The following PDZD2 variants were observed in gnomAD, a reference collection of about 807,000 sequenced individuals.
PDZD2 encodes the protein PDZ domain-containing protein 2.
A neutral mutation model predicts 220.7 loss-of-function variants in PDZD2; 90 were observed. The ratio of observed to expected loss-of-function variants is 0.41; its 90% CI spans 0.34 to 0.49. The LOEUF is 0.49. Ranked by LOEUF, PDZD2 falls within the 20% of genes least tolerant of loss-of-function variation. The pLI is 0.28. For synonymous variants in PDZD2, 1,375 were observed against 1,450.5 expected, an observed-to-expected ratio of 0.95 and a Z score of 1.18; for missense variants, 3,174 against 3,608.5, an observed-to-expected ratio of 0.88 and a Z score of 3.08.
chr5:31,823,879 A>G (rs1159946973), intron 2 of PDZD2, among the ~76,000 whole-genome samples: 2 of 152,224 alleles, frequency 1.3e-5, no homozygotes, highest in Non-Finnish European at 2.9e-5. Flanking sequence ...TCTGGATTGG[A>G]CGCAATAGTA....
intron 2 of PDZD2, chr5:31,923,526 TG>T: frequency 2.2e-6 from 2 of 900,696 alleles, no homozygotes; most frequent in Non-Finnish European, 3.7e-6. Flanking sequence ...GAGCCTACTT[TG>T]GGGATAAAGG....
chr5:31,745,588 A>G (rs1279795160), intron 1 of PDZD2, among the ~76,000 whole-genome samples: 1 of 152,080 alleles, frequency 6.6e-6, no homozygotes, highest in African/African-American at 2.4e-5. Flanking sequence ...ACCTTTCAAT[A>G]CCAACATGCT....
intron 19 of PDZD2, among the ~76,000 whole-genome samples, chr5:32,081,217 C>G (rs1741922804): frequency 6.6e-6 from 1 of 152,120 alleles, no homozygotes; most frequent in South Asian, 2.1e-4. Flanking sequence ...TGTGACTGTA[C>G]TGACCCCGGT....
At chr5:31,640,081 C>G (rs1744890854) in intron 1 of PDZD2, among the ~76,000 whole-genome samples, 1 of 152,098 alleles carries the variant, frequency 6.6e-6, no homozygotes, top group African/African-American at 2.4e-5. Flanking sequence ...CTCCCTCCCT[C>G]TGTTCCTCTC....
chr5:31,840,378 A>C (rs1757192360), intron 2 of PDZD2: 1 of 142,062 alleles, frequency 7.0e-6, no homozygotes, highest in East Asian at 1.9e-4. Flanking sequence ...ACACTCATTC[A>C]AAGAGTAGTC....
Position 32,057,907 on chromosome 5 carries a change from G to A in PDZD2, c.2004G>A (p.Thr668=), listed in dbSNP as rs749030848. The A allele has an allele frequency of 1.5e-5, 24 of 1,612,816 alleles. No homozygotes were observed. The highest frequency in any genetic ancestry group is 4.4e-5 in the South Asian group (4 of 91,008). ...KQIRSGLFVL[T]VRTKLVSPSL... ...TCCGGAGTGGATTATTTGTTTTAACGGTACGCACAAAGTTGGTGAGCCCCA... is the reference window on the plus strand; with the variant it reads ...TCCGGAGTGGATTATTTGTTTTAACAGTACGCACAAAGTTGGTGAGCCCCA... Residue 668 remains threonine, a synonymous_variant, in exon 12 of 25, where the codon ACG becomes ACA. Transcript: ENST00000438447.
intron 2 of PDZD2, chr5:31,936,314 A>T (rs1745720862): frequency 2.0e-6 from 2 of 987,520 alleles, no homozygotes; most frequent in African/African-American, 1.7e-5. Flanking sequence ...GAAGCACAGC[A>T]GAGCACGCTC....
chr5:31,936,721 T>C (rs753082443), intron 2 of PDZD2, among the ~76,000 whole-genome samples: 8 of 152,242 alleles, frequency 5.3e-5, no homozygotes, highest in Non-Finnish European at 1.0e-4. Flanking sequence ...GGCTTGACTG[T>C]GGCTCCATTT....
Position 31,764,949 on chromosome 5 carries a change from T to C in PDZD2, c.-360-33940T>C, listed in dbSNP as rs200472115. Among the ~76,000 whole-genome samples, 6 of 152,256 alleles carry C rather than the reference T, an allele frequency of 3.9e-5. No homozygotes were observed. The East Asian group carries it at 9.6e-4, about 24-fold the overall frequency. On this transcript the variant is annotated intron_variant, in intron 1 of 24. Transcript: ENST00000438447. ...AAAACTCTCTGGGCGTGGTGGTACA[T>C]GCTTGTAATCCCAGCTACTCGGGAG...
At chr5:31,919,719 G>GCA (rs778131519) in intron 2 of PDZD2, among the ~76,000 whole-genome samples, 1 of 33,208 alleles carries the variant, frequency 3.0e-5, no homozygotes, top group African/African-American at 8.2e-5. Flanking sequence ...AAAAAAAAAG[G>GCA]AAAAAAAAAA....
chr5:32,110,441 A>G lies in PDZD2; in HGVS notation c.*2306A>G, dbSNP rs767255665. Reference sequence around the variant, plus strand: ...AACTGTCTTTGACCCTAAGATAGATAGAAAGCTATTTATTTGTCTTCAGTG... The same window carrying G: ...AACTGTCTTTGACCCTAAGATAGATGGAAAGCTATTTATTTGTCTTCAGTG... On this transcript the variant is annotated 3_prime_UTR_variant, in exon 25 of 25. Coordinates refer to ENST00000438447, the MANE Select transcript of PDZD2 (RefSeq NM_178140.4). 1 of 152,698 alleles carries G rather than the reference A, an allele frequency of 6.5e-6. No individual in the cohort carries two copies. The highest frequency in any genetic ancestry group is 1.5e-5 in the Non-Finnish European group (1 of 68,056). 9.5% of individuals were successfully genotyped at this position (152,698 alleles called of 1,614,324 possible).
intron 4 of PDZD2, 74 bp downstream of exon 4, chr5:31,995,792 G>T (rs571384118): frequency 1.5e-6 from 2 of 1,359,356 alleles, no homozygotes; most frequent in Non-Finnish European, 2.1e-6. Flanking sequence ...ACTGGTGCAG[G>T]TGCTCTTCCA....
chr5:31,799,444 A>G lies in PDZD2; in HGVS notation c.196A>G (p.Met66Val). The G allele has an allele frequency of 6.2e-7, 1 of 1,614,158 alleles. No homozygotes were observed. The highest frequency in any genetic ancestry group is 1.3e-5 in the African/African-American group (1 of 75,036). The change falls in exon 2 of 25, where the codon ATG becomes GTG. Residue 66 changes from methionine (M) to valine (V), a missense_variant. By Grantham distance (21) the Met-to-Val change is conservative (BLOSUM62 1). Transcript: ENST00000438447. ...TVPPDHSPPE[M>V]EICTVYLTKE... ...CCCACCTGATCACAGCCCCCCCGAA[A>G]TGGAGATCTGTACTGTGTACCTCAC...
intron 14 of PDZD2, among the ~76,000 whole-genome samples, chr5:32,065,788 GC>G (rs1377649894): frequency 6.6e-6 from 1 of 152,174 alleles, no homozygotes; most frequent in East Asian, 1.9e-4. Flanking sequence ...ACTTTGGGAG[GC>G]CAAGGCGGGT....
chr5:32,069,583 A>G lies in PDZD2; in HGVS notation c.2466A>G (p.Glu822=). The change falls in exon 15 of 25, where the codon GAA becomes GAG. Residue 822 remains glutamate, a synonymous_variant. Coordinates refer to ENST00000438447, the MANE Select transcript of PDZD2 (RefSeq NM_178140.4). ...CTGAAAATCAGGTTTCCGAGCAGGAAATGGATGAAGTCATAGCACGCAGCA... is the reference window on the plus strand; with the variant it reads ...CTGAAAATCAGGTTTCCGAGCAGGAGATGGATGAAGTCATAGCACGCAGCA... ...RHPNPKVSEQ[E]MDEVIARSTY... The G allele has an allele frequency of 6.3e-7, 1 of 1,593,116 alleles. No individual in the cohort carries two copies. The highest frequency in any genetic ancestry group is 8.6e-7 in the Non-Finnish European group (1 of 1,160,862).
At chr5:32,077,164 C>T (rs974523380) in intron 18 of PDZD2, among the ~76,000 whole-genome samples, 1 of 152,120 alleles carries the variant, frequency 6.6e-6, no homozygotes, top group Non-Finnish European at 1.5e-5. Flanking sequence ...TCTGTCTAGC[C>T]TTATATGTGC....
chr5:32,076,226 C>G (rs1561519362), intron 18 of PDZD2, among the ~76,000 whole-genome samples: 1 of 140,938 alleles, frequency 7.1e-6, no homozygotes, highest in Non-Finnish European at 1.5e-5. Flanking sequence ...GTGGTGGTTG[C>G]AGTGAGCTGA....
intron 2 of PDZD2, chr5:31,847,624 T>C (rs769218278): frequency 3.2e-6 from 2 of 629,352 alleles, no homozygotes; most frequent in Middle Eastern, 4.8e-4. Context: ...GATCTAGGAA[T>C]GCCAAGTGGT....
At chr5:32,007,789 T>C (rs1042691603) in intron 5 of PDZD2, among the ~76,000 whole-genome samples, 1 of 152,202 alleles carries the variant, frequency 6.6e-6, no homozygotes, top group Non-Finnish European at 1.5e-5. Context: ...TCTAGAGCCA[T>C]GGATTCGCTC....
Sources: gnomAD v4.1 joint callset for allele counts (sites outside exome capture counted in the v4.1 genomes callset) on GRCh38, gnomAD v4.1.1 for gene constraint, MANE v1.5 for transcripts, NCBI Gene and HGNC (gene_info 2026-07-23, HGNC 2026-07-21) for gene names.